The following AK4 variants were observed in gnomAD, a reference collection of about 807,000 sequenced individuals.
AK4 encodes adenylate kinase 4, mitochondrial.
Under a neutral mutation model 24.6 loss-of-function variants are expected in AK4, and 13 were observed. The ratio of observed to expected loss-of-function variants is 0.53; its 90% CI spans 0.34 to 0.84. The LOEUF is 0.84. Ranked by LOEUF, AK4 falls within the 40% of genes least tolerant of loss-of-function variation. The pLI, the probability that AK4 is intolerant of heterozygous loss-of-function variation, is 0.01. For missense variants in AK4, 192 were observed against 288.2 expected (o/e 0.67, Z 2.42); for synonymous variants, 88 against 107.0 (o/e 0.82, Z 1.10).
chr1:65,156,734 G>C (rs1042585930), intron 1 of AK4, among the ~76,000 whole-genome samples: 2 of 151,628 alleles, frequency 1.3e-5, no homozygotes, highest in African/African-American at 4.8e-5. Context: ...CCAGCCTGAC[G>C]AACATGGTGA....
chr1:65,225,684 A>G (rs566624037), intron 4 of AK4, among the ~76,000 whole-genome samples: 1 of 152,230 alleles, frequency 6.6e-6, no homozygotes, highest in Non-Finnish European at 1.5e-5. Flanking sequence ...TTATGATCAT[A>G]TTATTATGAT....
chr1:65,222,629 T>C (rs1206680481), intron 3 of AK4, among the ~76,000 whole-genome samples: 2 of 152,198 alleles, frequency 1.3e-5, no homozygotes, highest in Non-Finnish European at 2.9e-5. Flanking sequence ...AAGGTGGCAA[T>C]AGAGGTAATA....
At chr1:65,187,388 A>G (rs1299721751) in intron 1 of AK4, among the ~76,000 whole-genome samples, 2 of 151,568 alleles carry the variant, frequency 1.3e-5, no homozygotes, top group Non-Finnish European at 2.9e-5. Flanking sequence ...AGGGTAGGCA[A>G]ATCTACAGAC....
At chr1:65,169,792 A>G (rs1310016023) in intron 1 of AK4, among the ~76,000 whole-genome samples, 1 of 152,044 alleles carries the variant, frequency 6.6e-6, no homozygotes. Context: ...TGTTATTTGA[A>G]CTTTCTGCAG....
intron 3 of AK4, among the ~76,000 whole-genome samples, chr1:65,221,125 TG>T (rs1253925490): frequency 6.6e-6 from 1 of 152,340 alleles, no homozygotes; most frequent in African/African-American, 2.4e-5. Context: ...AAAGAATTAT[TG>T]TTTTTTTGAT....
intron 3 of AK4, among the ~76,000 whole-genome samples, chr1:65,223,207 T>G (rs1652348853): frequency 6.6e-6 from 1 of 152,038 alleles, no homozygotes; most frequent in South Asian, 2.1e-4. Context: ...TTATTTAAAT[T>G]TTTTTGAGAC....
intron 1 of AK4, among the ~76,000 whole-genome samples, chr1:65,172,117 C>T (rs1471837366): frequency 1.3e-3 from 126 of 98,086 alleles, no homozygotes; most frequent in African/African-American, 2.0e-3. Flanking sequence ...AAACTCATTA[C>T]ACTTCCCAAA....
At chr1:65,205,460 T>G (rs1651783950) in intron 2 of AK4, among the ~76,000 whole-genome samples, 1 of 152,128 alleles carries the variant, frequency 6.6e-6, no homozygotes, top group Non-Finnish European at 1.5e-5. Flanking sequence ...TCTTGAACTC[T>G]TAGGCTCAAG....
intron 2 of AK4, among the ~76,000 whole-genome samples, chr1:65,200,118 G>GTTTTGTTTTGTT (rs1238492903): frequency 1.3e-5 from 2 of 151,912 alleles, no homozygotes; most frequent in African/African-American, 4.8e-5. Context: ...GTTTTGTTTT[G>GTTTTGTTTTGTT]TTTTGTTTTG....
At chr1:65,165,576 AG>A (rs1274346874) in intron 1 of AK4, among the ~76,000 whole-genome samples, 1 of 149,528 alleles carries the variant, frequency 6.7e-6, no homozygotes, top group Non-Finnish European at 1.5e-5. Context: ...AAAAAAAAAA[AG>A]GAACCTTCAT....
At chr1:65,211,748 CAAG>C (rs1334536085) in intron 2 of AK4, among the ~76,000 whole-genome samples, 1 of 152,154 alleles carries the variant, frequency 6.6e-6, no homozygotes, top group Admixed American at 6.5e-5. Flanking sequence ...TAGCAGTAAA[CAAG>C]AACTTAAAAT....
rs1420790834 is a variant in AK4 at position 65,148,240 on chromosome 1, G to A, written c.-168G>A. ...ACTCGGTCCCGGCGCTGGGCTGAGG[G>A]GAGGGGTTGTCTTAAAAGTCTCTCC... On this transcript the variant is annotated 5_prime_UTR_variant, in exon 1 of 5. Transcript: ENST00000327299. 1.3e-5 allele frequency: 16 copies of A among 1,241,854 alleles called. No homozygotes were observed. The East Asian group carries it at 3.2e-4, about 25-fold the overall frequency. 76.9% of individuals were successfully genotyped at this position (1,241,854 alleles called of 1,614,324 possible).
At chr1:65,202,022 G>A (rs1438095161) in intron 2 of AK4, among the ~76,000 whole-genome samples, 7 of 152,106 alleles carry the variant, frequency 4.6e-5, no homozygotes, top group African/African-American at 1.7e-4. Flanking sequence ...TAAAAATGAG[G>A]GGGAGTTAAA....
intron 1 of AK4, among the ~76,000 whole-genome samples, chr1:65,185,027 G>A (rs1439397494): frequency 6.6e-6 from 1 of 152,150 alleles, no homozygotes; most frequent in African/African-American, 2.4e-5. Flanking sequence ...CTTCCACAGA[G>A]TTATTTTAAA....
chr1:65,212,754 T>C (rs763744196), intron 2 of AK4, among the ~76,000 whole-genome samples: 3 of 152,186 alleles, frequency 2.0e-5, no homozygotes, highest in Non-Finnish European at 4.4e-5. Flanking sequence ...AGCAGCATCG[T>C]TGCATAGAAA....
rs1292492181 is a variant in AK4 at position 65,228,505 on chromosome 1, AC to A, written c.*2330del. The A allele has an allele frequency of 6.6e-6, 1 of 151,884 alleles. No homozygotes were observed. Among genetic ancestry groups the A allele is most frequent in the African/African-American group, 2.4e-5 (1 of 41,334 alleles). 9.4% of individuals were successfully genotyped at this position (151,884 alleles called of 1,614,324 possible). The stretch of plus-strand genomic sequence containing the variant: ...TCCAGCGGTTGAGCAGTTTGGTCTC[AC>A]CTCCCTCGCTAGTTGAGACCAAAAA... On this transcript the variant is annotated 3_prime_UTR_variant, in exon 5 of 5. Coordinates refer to ENST00000327299, the MANE Select transcript of AK4 (RefSeq NM_013410.4).
intron 3 of AK4, among the ~76,000 whole-genome samples, chr1:65,223,329 C>T (rs1652352121): frequency 6.6e-6 from 1 of 152,036 alleles, no homozygotes; most frequent in Non-Finnish European, 1.5e-5. Flanking sequence ...GTTGAGAATA[C>T]AGGCACCCGC....
chr1:65,198,836 G>C lies in AK4; in HGVS notation c.265+8007G>C, dbSNP rs546236004. Among the ~76,000 whole-genome samples, 31 of 152,070 alleles carry C rather than the reference G, an allele frequency of 2.0e-4. 2 individuals carry two copies. In the South Asian group the frequency reaches 5.8e-3, roughly 29 times the overall value. On this transcript the variant is annotated intron_variant, in intron 2 of 4. Transcript: ENST00000327299. Reference sequence around the variant, plus strand: ...TTATGCTTGTAATCCCAGCAGTTTGGGAGACAGAGGCAGGAGGATCACTTG... The same window carrying C: ...TTATGCTTGTAATCCCAGCAGTTTGCGAGACAGAGGCAGGAGGATCACTTG...
chr1:65,152,316 ATCTCTCTCTCTCTCTCTCTC>A (rs1158775260), intron 1 of AK4, among the ~76,000 whole-genome samples: 46 of 32,502 alleles, frequency 1.4e-3, no homozygotes, highest in Admixed American at 4.2e-3. Context: ...TGCACTTGCT[ATCTCTCTCTCTCTCTCTCTC>A]TCTCTCTCTC....
Sources: allele counts gnomAD v4.1 joint callset (sites outside exome capture counted in the v4.1 genomes callset), GRCh38; gene constraint gnomAD v4.1.1; transcripts MANE v1.5; gene names NCBI Gene and HGNC (gene_info 2026-07-23, HGNC 2026-07-21).